UBE2O: variants seen among roughly 807,000 people sequenced by gnomAD.
UBE2O encodes the protein ubiquitin conjugating enzyme E2 O.
A neutral mutation model predicts 125.8 loss-of-function variants in UBE2O; 15 were observed. The ratio of observed to expected loss-of-function variants is 0.12; its 90% CI spans 0.08 to 0.18. The LOEUF is 0.18. Ranked by LOEUF, UBE2O falls within the 10% of genes least tolerant of loss-of-function variation. UBE2O has a pLI of 1.00. For missense variants in UBE2O, 1,280 were observed against 1,723.6 expected (o/e 0.74, Z 4.56); for synonymous variants, 708 against 703.2 (o/e 1.01, Z -0.11).
chr17:76,401,751 C>A, intron 5 of UBE2O: 1 of 215,434 alleles, frequency 4.6e-6, no homozygotes, highest in Non-Finnish European at 9.1e-6. Flanking sequence ...TGGCACACGC[C>A]TGTAATCCCA....
chr17:76,403,604 CAT>C (rs1274424071), intron 3 of UBE2O, among the ~76,000 whole-genome samples: 2 of 152,084 alleles, frequency 1.3e-5, no homozygotes, highest in Admixed American at 6.6e-5. Context: ...TTAATATACA[CAT>C]AGAGCAGGTA....
chr17:76,399,428 G>C lies in UBE2O; in HGVS notation c.1628+21C>G, dbSNP rs1297064532. 1 of 1,606,966 alleles carries C rather than the reference G, an allele frequency of 6.2e-7. No individual in the cohort carries two copies. The highest frequency in any genetic ancestry group is 8.5e-7 in the Non-Finnish European group (1 of 1,174,776). On this transcript the variant is annotated intron_variant, in intron 9 of 17. Coordinates refer to ENST00000319380, the MANE Select transcript of UBE2O (RefSeq NM_022066.4). This position sits in a 1 kb window ranked among gnomAD's most constrained non-coding sequence, Gnocchi z 6.9. Reference sequence around the variant, plus strand: ...GGCTTCACGCTGACGCCATTGGGGAGGGGCACAACTCTGAGTTTACCTGTC... The same window carrying C: ...GGCTTCACGCTGACGCCATTGGGGACGGGCACAACTCTGAGTTTACCTGTC...
chr17:76,443,231 T>C (rs2073101495), intron 1 of UBE2O, among the ~76,000 whole-genome samples: 1 of 152,174 alleles, frequency 6.6e-6, no homozygotes, highest in African/African-American at 2.4e-5. Flanking sequence ...TATTTTTTCC[T>C]ATTAAAAAGT....
At chr17:76,439,213 T>C (rs931511041) in intron 1 of UBE2O, among the ~76,000 whole-genome samples, 2 of 152,142 alleles carry the variant, frequency 1.3e-5, no homozygotes, top group African/African-American at 4.8e-5. Flanking sequence ...GAACACCTAC[T>C]TCACGGGGTT....
intron 1 of UBE2O, chr17:76,430,714 T>C (rs894432575): frequency 5.3e-5 from 15 of 281,054 alleles, no homozygotes; most frequent in Admixed American, 4.9e-4. Flanking sequence ...TTGTAATACA[T>C]GGTTTCACAA....
chr17:76,446,224 G>T (rs985524888), intron 1 of UBE2O, among the ~76,000 whole-genome samples: 1 of 152,186 alleles, frequency 6.6e-6, no homozygotes, highest in African/African-American at 2.4e-5. Flanking sequence ...ACATGTCACA[G>T]AAAACCACCC....
At chr17:76,420,992 G>A (rs781607232) in intron 1 of UBE2O, among the ~76,000 whole-genome samples, 4 of 152,160 alleles carry the variant, frequency 2.6e-5, no homozygotes, top group Non-Finnish European at 5.9e-5. Context: ...TGCTTTCTAA[G>A]CCAAGATTTC....
Position 76,390,209 on chromosome 17 carries a change from C to G in UBE2O, c.*734G>C, listed in dbSNP as rs1049521808. On this transcript the variant is annotated 3_prime_UTR_variant, in exon 18 of 18. Coordinates refer to ENST00000319380, the MANE Select transcript of UBE2O (RefSeq NM_022066.4). ...AGCAGCCTCCGACAGAAGAGCAAGG[C>G]ACCTATAGCTGTTGCTTTCCCTGCA... 3 of 152,844 alleles carry G rather than the reference C, an allele frequency of 2.0e-5. No individual in the cohort carries two copies. The highest frequency in any genetic ancestry group is 4.4e-5 in the Non-Finnish European group (3 of 68,190). 9.5% of individuals were successfully genotyped at this position (152,844 alleles called of 1,614,324 possible).
rs2072575667 is a variant in UBE2O, at chr17:76,414,939, T to C, written c.418-9367A>G. On this transcript the variant is annotated intron_variant, in intron 1 of 17. Coordinates refer to ENST00000319380, the MANE Select transcript of UBE2O (RefSeq NM_022066.4). ...CCTGCATTTGAAGGGAGGGGACAGA[T>C]GGGCATCTTTAGGAGAAGGCCGCCT... Among the ~76,000 whole-genome samples, 3 of 152,202 alleles carry C rather than the reference T, an allele frequency of 2.0e-5. 1 individual carries two copies. Among genetic ancestry groups the C allele is most frequent in the Admixed American group, 1.3e-4 (2 of 15,282 alleles).
Position 76,391,238 on chromosome 17 carries a change from G to A in UBE2O, c.3584C>T (p.Ala1195Val). ...PEDGGPAPGEASQGSDSEGGA... is the reference protein window; with the variant it reads ...PEDGGPAPGEVSQGSDSEGGA... ...GCCCTCTGAGTCTGAGCCCTGGGAG[G>A]CCTCTCCTGGGGCTGGCCCTCCATC... The change falls in exon 18 of 18, where the codon GCC (alanine) becomes GTC (valine). Residue 1195 changes from alanine (A) to valine (V), a missense_variant. Ala to Val is a moderately conservative substitution (Grantham distance 64). This residue lies in a region of UBE2O where 233 missense variants were observed against 279.0 expected (regional missense o/e 0.84). Transcript: ENST00000319380. The surrounding 1 kb of genome is among the most constrained non-coding windows in gnomAD (Gnocchi z 8.4). 1 of 1,613,330 alleles carries A rather than the reference G, an allele frequency of 6.2e-7. No individual in the cohort carries two copies. The highest frequency in any genetic ancestry group is 8.5e-7 in the Non-Finnish European group (1 of 1,179,738).
At chr17:76,407,501 A>G (rs2072445320) in intron 1 of UBE2O, among the ~76,000 whole-genome samples, 2 of 152,202 alleles carry the variant, frequency 1.3e-5, no homozygotes, top group Non-Finnish European at 2.9e-5. Flanking sequence ...GGAGAATCCA[A>G]TGCAAGGGGG....
chr17:76,393,408 G>A (rs1314205303), intron 15 of UBE2O, among the ~76,000 whole-genome samples: 1 of 151,572 alleles, frequency 6.6e-6, no homozygotes, highest in Admixed American at 6.6e-5. Flanking sequence ...CTAATTTTTT[G>A]TATTTTAATA....
chr17:76,424,207 CTTTTTTT>C (rs569775028), intron 1 of UBE2O, among the ~76,000 whole-genome samples: 2 of 105,288 alleles, frequency 1.9e-5, no homozygotes, highest in African/African-American at 3.5e-5. Flanking sequence ...CGCGCCCGGC[CTTTTTTT>C]TTTTTTTTTT....
At chr17:76,427,154 C>T (rs1261169849) in intron 1 of UBE2O, among the ~76,000 whole-genome samples, 5 of 152,122 alleles carry the variant, frequency 3.3e-5, no homozygotes, top group African/African-American at 1.2e-4. Flanking sequence ...GCCCTCATAC[C>T]ACCATCCATG....
At chr17:76,440,662 A>C (rs2073064649) in intron 1 of UBE2O, among the ~76,000 whole-genome samples, 1 of 152,066 alleles carries the variant, frequency 6.6e-6, no homozygotes, top group South Asian at 2.1e-4. Flanking sequence ...CTCACATTGT[A>C]TCTCTATTTT....
intron 1 of UBE2O, among the ~76,000 whole-genome samples, chr17:76,423,183 G>A (rs529560463): frequency 6.8e-4 from 104 of 152,256 alleles, no homozygotes; most frequent in Non-Finnish European, 1.3e-3. Context: ...TGAGGGGGTG[G>A]ATGTGGGCTG....
intron 1 of UBE2O, among the ~76,000 whole-genome samples, chr17:76,424,819 C>A (rs1252675133): frequency 1.3e-5 from 2 of 151,752 alleles, no homozygotes; most frequent in East Asian, 3.9e-4. Flanking sequence ...CTCCATCCAC[C>A]TCTACCTCCA....
intron 5 of UBE2O, 143 bp downstream of exon 5, chr17:76,401,921 A>G (rs570018214): frequency 1.1e-5 from 7 of 625,220 alleles, no homozygotes; most frequent in South Asian, 2.9e-5. Context: ...GCCTATACCC[A>G]AACTTTTAGA....
chr17:76,409,902 A>G (rs2072488347), intron 1 of UBE2O, among the ~76,000 whole-genome samples: 1 of 152,210 alleles, frequency 6.6e-6, no homozygotes, highest in Non-Finnish European at 1.5e-5. Context: ...ACCAAGTGCC[A>G]TGAAGAAAAA....
Sources: gnomAD v4.1 joint callset for allele counts (sites outside exome capture counted in the v4.1 genomes callset) on GRCh38, gnomAD v4.1.1 for gene constraint, gnomAD v4.1.1 regional missense constraint, Gnocchi (gnomAD v3.1) non-coding constraint, MANE v1.5 for transcripts, NCBI Gene and HGNC (gene_info 2026-07-23, HGNC 2026-07-21) for gene names.